The following GYS1 variants were observed in gnomAD, a reference collection of about 807,000 sequenced individuals.
GYS1 encodes glycogen synthase 1.
In GYS1, 60 loss-of-function variants were observed where a neutral mutation model predicts 89.1. The ratio of observed to expected loss-of-function variants is 0.67; its 90% CI spans 0.55 to 0.84. The LOEUF (loss-of-function observed/expected upper bound fraction) is 0.84, where lower values mean the gene tolerates loss of function less well. Among genes scored for constraint, GYS1 ranks in the 40% least tolerant of loss-of-function variants. The pLI is 0.00. For synonymous variants in GYS1, 366 were observed against 401.7 expected (o/e 0.91, Z 1.06); for missense variants, 888 against 1,003.1 (o/e 0.89, Z 1.55).
Position 48,991,608 on chromosome 19 carries a change from G to A in GYS1, c.119-125C>T, listed in dbSNP as rs966172859. The A allele has an allele frequency of 2.0e-6, 2 of 1,014,196 alleles. No individual in the cohort carries two copies. Among genetic ancestry groups the A allele is most frequent in the African/African-American group, 3.2e-5 (2 of 62,882 alleles). The allele number at this position is 1,014,196 out of a possible 1,614,324, so 62.8% of individuals were successfully genotyped here. A position where few individuals can be genotyped will look rare whatever the true frequency, so the allele number is the denominator to read the frequency against. On this transcript the variant is annotated intron_variant, in intron 1 of 15. Transcript: ENST00000323798. This position sits in a 1 kb window ranked among gnomAD's most constrained non-coding sequence, Gnocchi z 4.7. ...GACCTCTAGCTCAGGGGGAAGAGGG[G>A]ACTGGGAGCCCATAGTTTGGAGTAG...
rs957644060 is a variant in GYS1, at chr19:48,969,840, G to T, written c.1825C>A (p.Arg609Ser). 2 of 1,613,396 alleles carry T rather than the reference G, an allele frequency of 1.2e-6. No individual in the cohort carries two copies. The highest frequency in any genetic ancestry group is 1.7e-6 in the Non-Finnish European group (2 of 1,179,584). ...AAGGCCTTGGACAGCGCCATGTGGC[G>T]CGCAGACATATAGTACTAGGGGAAA... ...KYLGRYYMSA[R>S]HMALSKAFPE... The change falls in exon 15 of 16, where the codon CGC (arginine) becomes AGC (serine). Residue 609 changes from arginine (R) to serine (S), a missense_variant. Physicochemically the swap from Arg to Ser is moderately radical, Grantham distance 110 (BLOSUM62 -1). Transcript: ENST00000323798.
chr19:48,969,710 A>C, intron 15 of GYS1, 65 bp downstream of exon 15: 5 of 1,578,532 alleles, frequency 3.2e-6, no homozygotes, highest in Non-Finnish European at 8.7e-7. Flanking sequence ...TCCAGGAGGG[A>C]CCCCCACCCC....
intron 5 of GYS1, among the ~76,000 whole-genome samples, chr19:48,983,680 C>T (rs908719264): frequency 1.3e-5 from 2 of 152,156 alleles, no homozygotes; most frequent in Non-Finnish European, 2.9e-5. Flanking sequence ...TTGTAGTTCT[C>T]ACCTTATACT....
chr19:48,980,509 C>G (rs111969820), intron 8 of GYS1, among the ~76,000 whole-genome samples: 13 of 151,888 alleles, frequency 8.6e-5, no homozygotes, highest in Admixed American at 5.9e-4. Context: ...TAAAAATTAG[C>G]TAGCACATAG....
rs753251690 is a variant in GYS1 at position 48,985,922 on chromosome 19, G to A, written c.606C>T (p.Phe202=). Residue 202 remains phenylalanine, a synonymous_variant, in exon 4 of 16, where the codon TTC becomes TTT. Coordinates refer to ENST00000323798, the MANE Select transcript of GYS1 (RefSeq NM_002103.5). ...GCCCCAGCAGCGTGGCATGGGTGGT[G>A]AAGATGGTTGCTACAGGCAGTCGCC... is the stretch of plus-strand genomic sequence containing the variant. ...RARRLPVATI[F]TTHATLLGRY... 1.9e-6 allele frequency: 3 copies of A among 1,614,192 alleles called. No homozygotes were observed. Among genetic ancestry groups the A allele is most frequent in the East Asian group, 4.5e-5 (2 of 44,890 alleles).
rs1401351275 is a variant in GYS1, at chr19:48,974,692, A to T, written c.1350T>A (p.Asp450Glu). 6.2e-7 allele frequency: 1 copy of T among 1,614,000 alleles called. No homozygotes were observed. Among genetic ancestry groups the T allele is most frequent in the East Asian group, 2.2e-5 (1 of 44,870 alleles). ...FPPVCTHNML[D>E]DSSDPILTTI... Reference sequence around the variant, plus strand: ...TGGTCAGGATGGGGTCTGAGGAGTCATCCAGCATATTGTGGGTGCACACAG... The same window carrying T: ...TGGTCAGGATGGGGTCTGAGGAGTCTTCCAGCATATTGTGGGTGCACACAG... The change falls in exon 11 of 16, where the codon GAT becomes GAA. Residue 450 changes from aspartate to glutamate, a missense_variant. By Grantham distance (45) the Asp-to-Glu change is conservative. Coordinates refer to ENST00000323798, the MANE Select transcript of GYS1 (RefSeq NM_002103.5).
chr19:48,973,719 A>G (rs1448653392), intron 12 of GYS1, among the ~76,000 whole-genome samples: 2 of 151,992 alleles, frequency 1.3e-5, no homozygotes, highest in African/African-American at 2.4e-5. Context: ...GGGTTTCACT[A>G]TATTGGCCAG....
chr19:48,978,743 G>T (rs2038701406), intron 8 of GYS1, among the ~76,000 whole-genome samples: 1 of 151,756 alleles, frequency 6.6e-6, no homozygotes, highest in South Asian at 2.1e-4. Context: ...CGTTGGCCAG[G>T]CTGGTCTCGA....
At chr19:48,986,415 A>G (rs946562286) in intron 3 of GYS1, among the ~76,000 whole-genome samples, 21 of 152,030 alleles carry the variant, frequency 1.4e-4, no homozygotes, top group African/African-American at 4.6e-4. Flanking sequence ...TGGCAAAGGG[A>G]CTACAACTCC....
At chr19:48,989,071 C>G (rs1187045896) in intron 2 of GYS1, among the ~76,000 whole-genome samples, 1 of 151,904 alleles carries the variant, frequency 6.6e-6, no homozygotes, top group Admixed American at 6.6e-5. Context: ...TTCCTTCCCT[C>G]TCTCCCTCCT....
In GYS1 at chr19:48,985,414, C is replaced by A. The variant is rs754387783; in HGVS notation, c.823+47G>T. On this transcript the variant is annotated intron_variant, in intron 5 of 15. Coordinates refer to ENST00000323798, the MANE Select transcript of GYS1 (RefSeq NM_002103.5). ...GAGGAGCAACTGGCTTTGGCATAGA[C>A]AGCTGCCTACCTCATTCACGTCTGG... 7 of 1,601,028 alleles carry A rather than the reference C, an allele frequency of 4.4e-6. No individual in the cohort carries two copies. In the South Asian group the frequency reaches 7.7e-5, roughly 18 times the overall value.
Position 48,991,504 on chromosome 19 carries a change from G to C in GYS1, c.119-21C>G. The C allele has an allele frequency of 6.2e-7, 1 of 1,613,758 alleles. No homozygotes were observed. Among genetic ancestry groups the C allele is most frequent in the South Asian group, 1.1e-5 (1 of 91,082 alleles). On this transcript the variant is annotated intron_variant, in intron 1 of 15. Coordinates refer to ENST00000323798, the MANE Select transcript of GYS1 (RefSeq NM_002103.5). This position sits in a 1 kb window ranked among gnomAD's most constrained non-coding sequence, Gnocchi z 4.7. ...ACCCACTGTGGGCCCAAGCGTGTGA[G>C]GGCAGGCCCCGGCCGAGGTCCATAG...
intron 14 of GYS1, 29 bp downstream of exon 14, chr19:48,970,517 A>G (rs1259498126): frequency 1.2e-6 from 2 of 1,605,410 alleles, no homozygotes; most frequent in East Asian, 2.2e-5. Context: ...CTGATTTGCC[A>G]GGAGAGGATA....
intron 8 of GYS1, among the ~76,000 whole-genome samples, chr19:48,978,570 C>T (rs2038698308): frequency 1.4e-5 from 2 of 141,320 alleles, no homozygotes; most frequent in Admixed American, 7.0e-5. Flanking sequence ...GTTACTCTGT[C>T]GTCCAGGCTG....
chr19:48,991,421 T>C lies in GYS1; in HGVS notation c.181A>G (p.Asn61Asp). 6.2e-7 allele frequency: 1 copy of C among 1,614,118 alleles called. No individual in the cohort carries two copies. The highest frequency in any genetic ancestry group is 8.5e-7 in the Non-Finnish European group (1 of 1,180,030). The change falls in exon 2 of 16, where the codon AAC becomes GAC. Residue 61 changes from asparagine (N) to aspartate (D), a missense_variant. Coordinates refer to ENST00000323798, the MANE Select transcript of GYS1 (RefSeq NM_002103.5). This position sits in a 1 kb window ranked among gnomAD's most constrained non-coding sequence, Gnocchi z 4.7. ...AKVTGDEWGD[N>D]YFLVGPYTEQ... is the part of the protein sequence containing the mutation. ...GTGTACGGCCCCACCAGGAAGTAGT[T>C]GTCGCCCCATTCGTCCCCTGTCACC...
Position 48,974,610 on chromosome 19 carries a change from A to C in GYS1, c.1422+10T>G. ...CCGTGCCCAACCCAGCCCTGACCAAATGCCCTCACCTTCACCCTGTCGGCA... is the reference window on the plus strand; with the variant it reads ...CCGTGCCCAACCCAGCCCTGACCAACTGCCCTCACCTTCACCCTGTCGGCA... On this transcript the variant is annotated intron_variant, in intron 11 of 15. Coordinates refer to ENST00000323798, the MANE Select transcript of GYS1 (RefSeq NM_002103.5). The C allele has an allele frequency of 6.3e-7, 1 of 1,596,770 alleles. No individual in the cohort carries two copies. Among genetic ancestry groups the C allele is most frequent in the Non-Finnish European group, 8.6e-7 (1 of 1,164,436 alleles).
Position 48,976,194 on chromosome 19 carries a change from G to A in GYS1, c.1309-1461C>T, listed in dbSNP as rs113689165. 3.6e-3 allele frequency among the ~76,000 whole-genome samples: 540 copies of A among 152,106 alleles called. 5 individuals are homozygous for A. The highest frequency in any genetic ancestry group is 0.012 in the African/African-American group (518 of 41,496). ...TTCATAATGAGGTGGGCTGCTTTAG[G>A]GACTATTGGAAATTATAGGTTAGCC... is the stretch of plus-strand genomic sequence containing the variant. On this transcript the variant is annotated intron_variant, in intron 10 of 15. Coordinates refer to ENST00000323798, the MANE Select transcript of GYS1 (RefSeq NM_002103.5).
rs10424949 is a variant in GYS1 at position 48,981,152 on chromosome 19, T to C, written c.1169+378A>G. Among the ~76,000 whole-genome samples, 1,165 of 145,204 alleles carry C rather than the reference T, an allele frequency of 8.0e-3. 18 individuals are homozygous for C. Among genetic ancestry groups the C allele is most frequent in the African/African-American group, 0.028 (1,118 of 39,314 alleles). ...AAAGAGGGCCGGGTGCGGTGGCTCA[T>C]GCCTGTAATTCCAGCACTTTGGGAG... On this transcript the variant is annotated intron_variant, in intron 8 of 15. Coordinates refer to ENST00000323798, the MANE Select transcript of GYS1 (RefSeq NM_002103.5).
chr19:48,978,975 G>A (rs1189419091), intron 8 of GYS1, among the ~76,000 whole-genome samples: 2 of 152,168 alleles, frequency 1.3e-5, no homozygotes, highest in Non-Finnish European at 2.9e-5. Context: ...CAGCTGTGTG[G>A]TCAGGGACAG....
Sources: gnomAD v4.1 joint callset for allele counts (sites outside exome capture counted in the v4.1 genomes callset) on GRCh38, gnomAD v4.1.1 for gene constraint, Gnocchi (gnomAD v3.1) non-coding constraint, MANE v1.5 for transcripts, NCBI Gene and HGNC (gene_info 2026-07-23, HGNC 2026-07-21) for gene names.